Variants in ANKS6 observed in about 807,000 individuals in gnomAD.
ANKS6 encodes the protein ankyrin repeat and sterile alpha motif domain containing 6.
In ANKS6, 47 loss-of-function variants were observed where a neutral mutation model predicts 77.9. That is an observed-to-expected ratio of 0.60 (90% CI 0.48 to 0.77). The LOEUF is 0.77. Ranked by LOEUF, ANKS6 falls within the 30% of genes least tolerant of loss-of-function variation. The pLI is 0.00. For missense variants in ANKS6, 1,150 were observed against 1,159.1 expected (o/e 0.99, Z 0.11); for synonymous variants, 488 against 501.7 (o/e 0.97, Z 0.37).
At chr9:98,758,524 T>C (rs1588355109) in intron 11 of ANKS6, among the ~76,000 whole-genome samples, 1 of 152,192 alleles carries the variant, frequency 6.6e-6, no homozygotes, top group Admixed American at 6.5e-5. Flanking sequence ...GGTACTGGGA[T>C]GTCACTGCTT....
intron 13 of ANKS6, among the ~76,000 whole-genome samples, chr9:98,749,400 G>T (rs1832310235): frequency 6.6e-6 from 1 of 152,172 alleles, no homozygotes; most frequent in Admixed American, 6.5e-5. Context: ...TGCACAGCCT[G>T]CCTTCCTCTC....
intron 12 of ANKS6, among the ~76,000 whole-genome samples, 187 bp downstream of exon 12, chr9:98,756,233 T>A (rs1353574890): frequency 6.6e-6 from 1 of 152,156 alleles, no homozygotes; most frequent in African/African-American, 2.4e-5. Flanking sequence ...GAGCTTACCA[T>A]ACCTTTAGCA....
intron 14 of ANKS6, among the ~76,000 whole-genome samples, chr9:98,742,304 A>AG (rs1831882025): frequency 6.6e-6 from 1 of 152,270 alleles, no homozygotes; most frequent in Non-Finnish European, 1.5e-5. Context: ...AGTCCAGTCT[A>AG]GAATAGCCAA....
At chr9:98,767,655 G>A (rs1447868890) in intron 11 of ANKS6, among the ~76,000 whole-genome samples, 1 of 152,248 alleles carries the variant, frequency 6.6e-6, no homozygotes, top group African/African-American at 2.4e-5. Flanking sequence ...CTGTCAACAG[G>A]AACAGCCAAC....
chr9:98,739,564 G>A (rs971784320), intron 14 of ANKS6, among the ~76,000 whole-genome samples: 1 of 152,092 alleles, frequency 6.6e-6, no homozygotes, highest in Non-Finnish European at 1.5e-5. Flanking sequence ...CTCAGGTGAC[G>A]GCTGTGAGAT....
rs1833977901 is a variant in ANKS6, at chr9:98,777,440, T to C, written c.1582A>G (p.Arg528Gly). 6.2e-7 allele frequency: 1 copy of C among 1,614,196 alleles called. No homozygotes were observed. Among genetic ancestry groups the C allele is most frequent in the East Asian group, 2.2e-5 (1 of 44,882 alleles). The change falls in exon 8 of 15, where the codon AGA (arginine) becomes GGA (glycine). Residue 528 changes from arginine to glycine, a missense_variant. By Grantham distance (125) the Arg-to-Gly change is moderately radical (BLOSUM62 -2). Transcript: ENST00000353234. ...VTKDNGPGST[R>G]GEKEDTLLTT... Reference sequence around the variant, plus strand: ...AATAACGTGTCTTCCTTTTCTCCTCTTGTGCTCCCAGGACCTGAGAGACAA... The same window carrying C: ...AATAACGTGTCTTCCTTTTCTCCTCCTGTGCTCCCAGGACCTGAGAGACAA...
At chr9:98,753,787 T>G (rs1355666162) in intron 12 of ANKS6, among the ~76,000 whole-genome samples, 1 of 152,058 alleles carries the variant, frequency 6.6e-6, no homozygotes, top group African/African-American at 2.4e-5. Flanking sequence ...ACTGCAGGTA[T>G]GAGATATACA....
intron 11 of ANKS6, among the ~76,000 whole-genome samples, chr9:98,762,597 G>A (rs1015998716): frequency 1.6e-4 from 25 of 152,126 alleles, no homozygotes; most frequent in African/African-American, 6.0e-4. Flanking sequence ...AGTTTGTTGA[G>A]AGTTTTAATG....
chr9:98,752,689 TGA>T lies in ANKS6; in HGVS notation c.2327-1595_2327-1594del, dbSNP rs1176980260. ...TGAGAAACTGAGGCACAGAAAGGCTTGATACCACATCTTGGGTGAGGTCATCC... is the reference window on the plus strand; with the variant it reads ...TGAGAAACTGAGGCACAGAAAGGCTTTACCACATCTTGGGTGAGGTCATCC... On this transcript the variant is annotated intron_variant, in intron 12 of 14. Transcript: ENST00000353234. 1.3e-5 allele frequency among the ~76,000 whole-genome samples: 2 copies of T among 152,192 alleles called. 1 individual carries two copies. Among genetic ancestry groups the T allele is most frequent in the Non-Finnish European group, 2.9e-5 (2 of 68,040 alleles).
rs945480087 is a variant in ANKS6, at chr9:98,735,347, C to T, written c.*1172G>A. ...CTGTATTGTGTCTGCACACTTGGCA[C>T]CTGGTAGCTAACATAAATGCAACAA... is the stretch of plus-strand genomic sequence containing the variant. On this transcript the variant is annotated 3_prime_UTR_variant, in exon 15 of 15. Coordinates refer to ENST00000353234, the MANE Select transcript of ANKS6 (RefSeq NM_173551.5). The T allele has an allele frequency of 1.1e-5, 11 of 1,039,756 alleles. No homozygotes were observed. Among genetic ancestry groups the T allele is most frequent in the Non-Finnish European group, 1.3e-5 (11 of 866,588 alleles). The allele number at this position is 1,039,756 out of a possible 1,614,324, so 64.4% of individuals were successfully genotyped here.
rs761966598 is a variant in ANKS6 at position 98,745,558 on chromosome 9, C to T, written c.2511+1G>A. On this transcript the variant is annotated splice_donor_variant, in intron 14 of 14. Coordinates refer to ENST00000353234, the MANE Select transcript of ANKS6 (RefSeq NM_173551.5). LOFTEE classifies it high-confidence loss of function. Reference sequence around the variant, plus strand: ...GAAATACAAGAAACAGAGAACGGTACCTTGCCTGCGTTCAGTTCAGAAATC... The same window carrying T: ...GAAATACAAGAAACAGAGAACGGTATCTTGCCTGCGTTCAGTTCAGAAATC... The T allele has an allele frequency of 6.2e-7, 1 of 1,610,454 alleles. No homozygotes were observed. The highest frequency in any genetic ancestry group is 1.1e-5 in the South Asian group (1 of 90,984).
At chr9:98,753,154 A>C (rs1832519370) in intron 12 of ANKS6, among the ~76,000 whole-genome samples, 3 of 152,094 alleles carry the variant, frequency 2.0e-5, no homozygotes, top group Admixed American at 6.5e-5. Flanking sequence ...TAAAAAATAC[A>C]ATATTCTTTC....
chr9:98,744,603 A>G (rs531205524), intron 14 of ANKS6, among the ~76,000 whole-genome samples: 10 of 152,240 alleles, frequency 6.6e-5, no homozygotes, highest in African/African-American at 2.4e-4. Context: ...TGTCTGTTCA[A>G]TATTTCTGTG....
At chr9:98,761,894 C>A (rs956977789) in intron 11 of ANKS6, among the ~76,000 whole-genome samples, 1 of 151,900 alleles carries the variant, frequency 6.6e-6, no homozygotes, top group African/African-American at 2.4e-5. Flanking sequence ...ATTTTTTGTA[C>A]CTCAATATAA....
chr9:98,768,139 C>G lies in ANKS6; in HGVS notation c.2084G>C (p.Gly695Ala), dbSNP rs1396046742. The G allele has an allele frequency of 1.9e-6, 3 of 1,613,590 alleles. No homozygotes were observed. The highest frequency in any genetic ancestry group is 2.5e-6 in the Non-Finnish European group (3 of 1,179,928). Residue 695 changes from glycine to alanine, a missense_variant, in exon 11 of 15, where the codon GGG (glycine) becomes GCG (alanine). By Grantham distance (60) the Gly-to-Ala change is moderately conservative. Transcript: ENST00000353234. ...GGCTGGAAGCTCAGACGGGCTGGAC[C>G]CCGGTGCTGGCCCCACAGGGCTTGA... is the stretch of plus-strand genomic sequence containing the variant. ...HRSSPVGPAP[G>A]SSPSELPASP...
At chr9:98,762,227 T>C (rs1371405309) in intron 11 of ANKS6, among the ~76,000 whole-genome samples, 1 of 152,222 alleles carries the variant, frequency 6.6e-6, no homozygotes, top group Non-Finnish European at 1.5e-5. Context: ...GCTAAATGTT[T>C]ATTACTACTG....
Position 98,756,591 on chromosome 9 carries a change from T to C in ANKS6, c.2155A>G (p.Ser719Gly), listed in dbSNP as rs201518041. 6.5e-7 allele frequency: 1 copy of C among 1,538,630 alleles called. No homozygotes were observed. Among genetic ancestry groups the C allele is most frequent in the Non-Finnish European group, 8.7e-7 (1 of 1,146,356 alleles). ...SAPVGKKLET[S>G]KRPPSGTSTT... ...GAAGTTCCAGATGGAGGCCTTTTGC[T>C]GGTCTCCAATTTCTGCTGAACAGAG... The change falls in exon 12 of 15, where the codon AGC becomes GGC. Residue 719 changes from serine to glycine, a missense_variant. Physicochemically the swap from Ser to Gly is moderately conservative, Grantham distance 56. Coordinates refer to ENST00000353234, the MANE Select transcript of ANKS6 (RefSeq NM_173551.5).
Position 98,732,606 on chromosome 9 carries a change from T to C in ANKS6, c.*3913A>G. On this transcript the variant is annotated 3_prime_UTR_variant, in exon 15 of 15. Coordinates refer to ENST00000353234, the MANE Select transcript of ANKS6 (RefSeq NM_173551.5). ...AAGAGAGATGAGAGATGAAAGGATTTAAAATGGGCAACCATCTTTGAGGTT... is the reference window on the plus strand; with the variant it reads ...AAGAGAGATGAGAGATGAAAGGATTCAAAATGGGCAACCATCTTTGAGGTT... The C allele has an allele frequency of 6.5e-7, 1 of 1,549,998 alleles. No homozygotes were observed. Among genetic ancestry groups the C allele is most frequent in the Non-Finnish European group, 8.7e-7 (1 of 1,146,860 alleles).
In ANKS6 at chr9:98,732,757, A is replaced by G; in HGVS notation, c.*3762T>C. On this transcript the variant is annotated 3_prime_UTR_variant, in exon 15 of 15. Transcript: ENST00000353234. ...TCAAAGGGAAGAAGAAACGTGCTCAACATCACGCAGCACTAGGTCTATGTC... is the reference window on the plus strand; with the variant it reads ...TCAAAGGGAAGAAGAAACGTGCTCAGCATCACGCAGCACTAGGTCTATGTC... 5.6e-6 allele frequency: 8 copies of G among 1,421,476 alleles called. No individual in the cohort carries two copies. The highest frequency in any genetic ancestry group is 7.3e-6 in the Non-Finnish European group (8 of 1,090,736). 88.1% of individuals were successfully genotyped at this position (1,421,476 alleles called of 1,614,324 possible). A position where few individuals can be genotyped will look rare whatever the true frequency, so the allele number is the denominator to read the frequency against.
Sources: allele counts gnomAD v4.1 joint callset (sites outside exome capture counted in the v4.1 genomes callset), GRCh38; gene constraint gnomAD v4.1.1; transcripts MANE v1.5; gene names NCBI Gene and HGNC (gene_info 2026-07-23, HGNC 2026-07-21).